CARF: variants seen among roughly 807,000 people sequenced by gnomAD.
CARF encodes the protein calcium responsive transcription factor.
A neutral mutation model predicts 82.0 loss-of-function variants in CARF; 57 were observed. The observed-to-expected ratio is 0.70, with a 90% CI of 0.56 to 0.87. The LOEUF is 0.87. Among genes scored for constraint, CARF ranks in the 40% least tolerant of loss-of-function variants. The pLI, the probability that CARF is intolerant of heterozygous loss-of-function variation, is 0.00. For missense variants in CARF, 771 were observed against 855.8 expected, an observed-to-expected ratio of 0.90 and a Z score of 1.24; for synonymous variants, 268 against 290.1, an observed-to-expected ratio of 0.92 and a Z score of 0.77.
rs148493747 is a variant in CARF at position 202,946,920 on chromosome 2, G to A, written c.306+3953G>A. On this transcript the variant is annotated intron_variant, in intron 5 of 16. Transcript: ENST00000438828. ...TTAGAGGAACGCAAATCAAAACCAC[G>A]ATGAGATATCATCACACGCCGGTTA... Among the ~76,000 whole-genome samples, 611 of 152,230 alleles carry A rather than the reference G, an allele frequency of 4.0e-3. 9 individuals carry two copies. Among genetic ancestry groups the A allele is most frequent in the African/African-American group, 0.014 (562 of 41,568 alleles).
intron 3 of CARF, among the ~76,000 whole-genome samples, chr2:202,935,816 A>C (rs1434336654): frequency 6.6e-6 from 1 of 152,022 alleles, no homozygotes; most frequent in East Asian, 1.9e-4. Context: ...ACCTAAAAAC[A>C]CCAAAAATAC....
In CARF at chr2:202,977,321, C is replaced by G; in HGVS notation, c.1547C>G (p.Thr516Arg). 6.2e-7 allele frequency: 1 copy of G among 1,611,442 alleles called. No individual in the cohort carries two copies. The highest frequency in any genetic ancestry group is 8.5e-7 in the Non-Finnish European group (1 of 1,178,086). Reference protein sequence around the residue: ...GNILKETMTVTFAEGNSPGES... With the variant: ...GNILKETMTVRFAEGNSPGES... The stretch of plus-strand genomic sequence containing the variant: ...ATTCTCAAAGAGACCATGACAGTTA[C>G]ATTTGCAGAAGGTAGGTTTTCTTGA... Residue 516 changes from threonine (T) to arginine (R), a missense_variant, in exon 14 of 17, where the codon ACA becomes AGA. Transcript: ENST00000438828.
At chr2:202,978,046 A>C (rs776150033) in intron 14 of CARF, among the ~76,000 whole-genome samples, 3 of 152,138 alleles carry the variant, frequency 2.0e-5, no homozygotes, top group Non-Finnish European at 4.4e-5. Flanking sequence ...GGGTTTTGGC[A>C]TGCTGGCCAA....
chr2:202,966,877 T>C, intron 9 of CARF, 101 bp from the exon 10 acceptor site: 1 of 1,083,802 alleles, frequency 9.2e-7, no homozygotes, highest in African/African-American at 1.6e-5. Context: ...AAGCTGTATA[T>C]TTGAAAGATT....
intron 2 of CARF, among the ~76,000 whole-genome samples, chr2:202,922,968 G>A (rs576345887): frequency 6.6e-6 from 1 of 152,222 alleles, no homozygotes; most frequent in East Asian, 1.9e-4. Context: ...AAGGCCAGGC[G>A]AGGTGGCTCA....
At chr2:202,968,941 T>G (rs965797528) in intron 10 of CARF, among the ~76,000 whole-genome samples, 2 of 152,064 alleles carry the variant, frequency 1.3e-5, no homozygotes, top group Non-Finnish European at 2.9e-5. Context: ...TAAATTGAAT[T>G]TGGGTGGGTA....
At chr2:202,920,406 C>T (rs1433042893) in intron 2 of CARF, among the ~76,000 whole-genome samples, 1 of 152,246 alleles carries the variant, frequency 6.6e-6, no homozygotes, top group Middle Eastern at 3.4e-3. Context: ...CCGCCCGCCT[C>T]GGCCTCCCAA....
chr2:202,957,017 G>A lies in CARF; in HGVS notation c.642+1259G>A, dbSNP rs567666025. 9.5e-4 allele frequency among the ~76,000 whole-genome samples: 144 copies of A among 152,012 alleles called. No individual in the cohort carries two copies. The South Asian group carries it at 0.011, about 12-fold the overall frequency. ...TTTGTCAGGCTGGTCTCGAACTCCCGACCTCAGGTGATCCTCCCGCCTCAG... is the reference window on the plus strand; with the variant it reads ...TTTGTCAGGCTGGTCTCGAACTCCCAACCTCAGGTGATCCTCCCGCCTCAG... On this transcript the variant is annotated intron_variant, in intron 8 of 16. Transcript: ENST00000438828.
intron 8 of CARF, among the ~76,000 whole-genome samples, chr2:202,958,521 C>T (rs955335746): frequency 3.9e-5 from 6 of 152,042 alleles, no homozygotes; most frequent in African/African-American, 1.4e-4. Context: ...ACTGAGTACT[C>T]CTGTCCAACA....
chr2:202,914,644 TG>T (rs1021424257), intron 1 of CARF, among the ~76,000 whole-genome samples: 49 of 151,654 alleles, frequency 3.2e-4, no homozygotes, highest in Non-Finnish European at 5.6e-4. Context: ...CCAGGCATGG[TG>T]GGGGGTGCCT....
At position 202,987,822 on chromosome 2, in the gene CARF, T is replaced by A. The variant is rs2060491145; in HGVS notation, c.*4198T>A. On this transcript the variant is annotated 3_prime_UTR_variant, in exon 17 of 17. Coordinates refer to ENST00000438828, the MANE Select transcript of CARF (RefSeq NM_024744.17). Reference sequence around the variant, plus strand: ...ATTTTTAAATATCTTTATTGAGGTATAATTGAAATACAATAAACTGTACAT... The same window carrying A: ...ATTTTTAAATATCTTTATTGAGGTAAAATTGAAATACAATAAACTGTACAT... Among the ~76,000 whole-genome samples the A allele has an allele frequency of 6.6e-6, 1 of 152,192 alleles. No homozygotes were observed. Among genetic ancestry groups the A allele is most frequent in the Admixed American group, 6.5e-5 (1 of 15,278 alleles).
chr2:202,966,793 TA>T (rs2059571235), intron 9 of CARF, among the ~76,000 whole-genome samples, 184 bp from the exon 10 acceptor site: 1 of 152,266 alleles, frequency 6.6e-6, no homozygotes. Flanking sequence ...GTACCTTTGG[TA>T]AATTTTAAAA....
At chr2:202,959,050 A>C (rs1033574757) in intron 8 of CARF, among the ~76,000 whole-genome samples, 12 of 152,102 alleles carry the variant, frequency 7.9e-5, no homozygotes, top group Admixed American at 7.9e-4. Context: ...ATTTGACTAA[A>C]GTGTATTAAC....
intron 4 of CARF, 165 bp from the exon 5 acceptor site, chr2:202,942,575 A>T (rs2058281223): frequency 2.9e-6 from 2 of 693,210 alleles, no homozygotes; most frequent in African/African-American, 3.9e-5. Flanking sequence ...AATAATCAAC[A>T]ATTTTACTTA....
chr2:202,916,603 C>T (rs1689710722), intron 1 of CARF, among the ~76,000 whole-genome samples: 1 of 152,154 alleles, frequency 6.6e-6, no homozygotes, highest in Non-Finnish European at 1.5e-5. Flanking sequence ...CTTCAAGCTG[C>T]TTTCTCTTTA....
chr2:202,934,288 C>G (rs1015186440), intron 3 of CARF, among the ~76,000 whole-genome samples: 1 of 152,032 alleles, frequency 6.6e-6, no homozygotes, highest in Admixed American at 6.6e-5. Flanking sequence ...GAGAGGAACA[C>G]ACGTTCTTTA....
chr2:202,961,734 C>T, intron 9 of CARF: 1 of 415,492 alleles, frequency 2.4e-6, no homozygotes, highest in South Asian at 4.7e-5. Context: ...TAAATATGTA[C>T]ATCAGCTGTG....
intron 13 of CARF, among the ~76,000 whole-genome samples, chr2:202,976,779 C>T (rs1005932546): frequency 4.7e-5 from 7 of 148,320 alleles, no homozygotes; most frequent in South Asian, 2.1e-4. Context: ...CACACAATCA[C>T]GGCTCACTGC....
intron 7 of CARF, among the ~76,000 whole-genome samples, chr2:202,954,535 A>G (rs1027848903): frequency 1.3e-5 from 2 of 152,010 alleles, no homozygotes; most frequent in Non-Finnish European, 2.9e-5. Flanking sequence ...CAAGATGGTG[A>G]AACCCCATCT....
Sources: gnomAD v4.1 joint callset for allele counts (sites outside exome capture counted in the v4.1 genomes callset) on GRCh38, gnomAD v4.1.1 for gene constraint, MANE v1.5 for transcripts, NCBI Gene and HGNC (gene_info 2026-07-23, HGNC 2026-07-21) for gene names.